Variants in DCC observed in about 807,000 individuals in gnomAD.
DCC encodes DCC netrin 1 receptor.
DCC carries 58 observed loss-of-function variants against 172.5 expected under a neutral mutation model. That is an observed-to-expected ratio of 0.34 (90% CI 0.27 to 0.42). The LOEUF (loss-of-function observed/expected upper bound fraction) is 0.42, where lower values mean the gene tolerates loss of function less well. Ranked by LOEUF, DCC falls within the 10% of genes least tolerant of loss-of-function variation. The pLI is 1.00. For synonymous variants in DCC, 709 were observed against 644.5 expected, an observed-to-expected ratio of 1.10 and a Z score of -1.52; for missense variants, 1,740 against 1,791.0, an observed-to-expected ratio of 0.97 and a Z score of 0.51.
chr18:52,512,419 C>A (rs574176302), intron 1 of DCC, among the ~76,000 whole-genome samples: 2 of 152,266 alleles, frequency 1.3e-5, no homozygotes, highest in Admixed American at 1.3e-4. Context: ...GTATCCTGGA[C>A]AACTGCTTTT....
chr18:52,778,814 A>T (rs1160651940), intron 2 of DCC, among the ~76,000 whole-genome samples: 5 of 152,128 alleles, frequency 3.3e-5, no homozygotes, highest in African/African-American at 1.2e-4. Context: ...TATTTTCCAC[A>T]CTTAGGCATC....
chr18:53,268,321 C>T (rs1457002173), intron 12 of DCC, among the ~76,000 whole-genome samples: 2 of 152,036 alleles, frequency 1.3e-5, no homozygotes, highest in Admixed American at 6.6e-5. Context: ...GAACATGTAA[C>T]AGATATGTTG....
At chr18:52,435,333 T>A (rs1188833831) in intron 1 of DCC, among the ~76,000 whole-genome samples, 2 of 152,170 alleles carry the variant, frequency 1.3e-5, no homozygotes, top group Admixed American at 1.3e-4. Context: ...TCTGTCTTCC[T>A]TCAGCAGCCT....
intron 2 of DCC, among the ~76,000 whole-genome samples, chr18:52,766,905 A>G (rs1195503026): frequency 6.6e-6 from 1 of 152,068 alleles, no homozygotes; most frequent in East Asian, 1.9e-4. Flanking sequence ...CATCAATGGT[A>G]AAAGCTCAAT....
Position 52,533,586 on chromosome 18 carries a change from A to G in DCC, c.91+192708A>G, listed in dbSNP as rs528864602. On this transcript the variant is annotated intron_variant, in intron 1 of 28. Transcript: ENST00000442544. ...ATGTATCAGTAGTTCAGTCCTGTCTATTACTAAGTAACAGTCTGTGACAAA... is the reference window on the plus strand; with the variant it reads ...ATGTATCAGTAGTTCAGTCCTGTCTGTTACTAAGTAACAGTCTGTGACAAA... Among the ~76,000 whole-genome samples the G allele has an allele frequency of 2.0e-5, 3 of 152,210 alleles. No individual in the cohort carries two copies. In the South Asian group the frequency reaches 6.2e-4, roughly 32 times the overall value.
At chr18:52,527,492 T>C (rs2032018105) in intron 1 of DCC, among the ~76,000 whole-genome samples, 2 of 152,206 alleles carry the variant, frequency 1.3e-5, no homozygotes, top group Admixed American at 1.3e-4. Flanking sequence ...AATGATGGAT[T>C]TTTTCCTCAG....
At chr18:53,015,475 T>C (rs967441227) in intron 5 of DCC, among the ~76,000 whole-genome samples, 2 of 152,174 alleles carry the variant, frequency 1.3e-5, no homozygotes, top group Non-Finnish European at 2.9e-5. Context: ...TGGTTGTGTT[T>C]AGTTGCTAGT....
At chr18:53,052,495 C>G (rs2042346791) in intron 5 of DCC, among the ~76,000 whole-genome samples, 1 of 151,970 alleles carries the variant, frequency 6.6e-6, no homozygotes, top group South Asian at 2.1e-4. Flanking sequence ...GGGAGTGGCA[C>G]TGTCCAGACA....
chr18:53,008,830 C>T (rs2041685102), intron 5 of DCC, among the ~76,000 whole-genome samples: 1 of 151,844 alleles, frequency 6.6e-6, no homozygotes, highest in Non-Finnish European at 1.5e-5. Flanking sequence ...GCAATAGTAG[C>T]ACTGGTTTTT....
intron 5 of DCC, among the ~76,000 whole-genome samples, chr18:53,013,545 G>T (rs559790423): frequency 6.6e-6 from 1 of 151,776 alleles, no homozygotes; most frequent in Admixed American, 6.6e-5. Context: ...TTATCGGGGG[G>T]TGGGGAGTGA....
At chr18:53,205,175 C>G in intron 9 of DCC, 41 bp from the exon 10 acceptor site, 1 of 1,551,518 alleles carries the variant, frequency 6.4e-7, no homozygotes, top group Non-Finnish European at 8.9e-7. Context: ...CCCACTTATC[C>G]TAATCACTTT....
intron 18 of DCC, among the ~76,000 whole-genome samples, chr18:53,400,628 T>A (rs1188108828): frequency 6.6e-6 from 1 of 152,110 alleles, no homozygotes; most frequent in Non-Finnish European, 1.5e-5. Flanking sequence ...AGTGTGCAGT[T>A]CACATAATAA....
chr18:52,370,495 T>G (rs897840138), intron 1 of DCC, among the ~76,000 whole-genome samples: 3 of 152,122 alleles, frequency 2.0e-5, no homozygotes, highest in African/African-American at 7.2e-5. Flanking sequence ...TTCTCACTTA[T>G]AAGTGGGAAC....
intron 2 of DCC, among the ~76,000 whole-genome samples, chr18:52,832,879 C>T (rs1233915107): frequency 6.6e-6 from 1 of 152,032 alleles, no homozygotes; most frequent in East Asian, 1.9e-4. Context: ...GAATTGGTCC[C>T]CTCAAAGACA....
chr18:52,812,340 A>G (rs947856436), intron 2 of DCC, among the ~76,000 whole-genome samples: 8 of 141,212 alleles, frequency 5.7e-5, no homozygotes, highest in Non-Finnish European at 8.0e-5. Context: ...TTCTAAAAAT[A>G]TATACTTATT....
At chr18:53,197,751 A>C (rs549737391) in intron 9 of DCC, among the ~76,000 whole-genome samples, 2 of 152,204 alleles carry the variant, frequency 1.3e-5, no homozygotes, top group African/African-American at 2.4e-5. Flanking sequence ...TATATGAAAA[A>C]TCATAATTTA....
intron 1 of DCC, among the ~76,000 whole-genome samples, chr18:52,711,480 A>G (rs1331144314): frequency 6.6e-6 from 1 of 152,214 alleles, no homozygotes; most frequent in Non-Finnish European, 1.5e-5. Context: ...CTGTTTTTGC[A>G]TGATAAATGA....
intron 5 of DCC, among the ~76,000 whole-genome samples, chr18:53,026,736 A>AT (rs201558295): frequency 9.9e-4 from 149 of 150,712 alleles, no homozygotes; most frequent in Middle Eastern, 6.8e-3. Flanking sequence ...TTTTACTTTT[A>AT]TTTTTTTTTA....
chr18:53,408,833 G>C (rs1322279113), intron 19 of DCC, among the ~76,000 whole-genome samples: 1 of 152,144 alleles, frequency 6.6e-6, no homozygotes, highest in Non-Finnish European at 1.5e-5. Context: ...TAAGTTTTCA[G>C]CATTGTTCAA....
Sources: allele counts gnomAD v4.1 joint callset (sites outside exome capture counted in the v4.1 genomes callset), GRCh38; gene constraint gnomAD v4.1.1; transcripts MANE v1.5; gene names NCBI Gene and HGNC (gene_info 2026-07-23, HGNC 2026-07-21).